DHX15: variants seen among roughly 807,000 people sequenced by gnomAD.
DHX15 encodes the protein DEAH-box helicase 15.
Under a neutral mutation model 94.4 loss-of-function variants are expected in DHX15, and 11 were observed. The ratio of observed to expected loss-of-function variants is 0.12; its 90% CI spans 0.07 to 0.19. The LOEUF is 0.19. DHX15 is among the 10% of genes least tolerant of loss of function. The pLI is 1.00. For synonymous variants in DHX15, 338 were observed against 329.9 expected, an observed-to-expected ratio of 1.02 and a Z score of -0.27; for missense variants, 304 against 988.5, an observed-to-expected ratio of 0.31 and a Z score of 9.29.
chr4:24,567,844 T>A (rs182635079), intron 3 of DHX15, among the ~76,000 whole-genome samples: 1 of 152,074 alleles, frequency 6.6e-6, no homozygotes, highest in Non-Finnish European at 1.5e-5. Flanking sequence ...AAGAAAAGGA[T>A]GGGGACAAGC....
intron 5 of DHX15, among the ~76,000 whole-genome samples, chr4:24,549,735 G>T (rs777350404): frequency 2.7e-4 from 41 of 152,114 alleles, no homozygotes; most frequent in Non-Finnish European, 4.3e-4. Flanking sequence ...ATAACAGTAG[G>T]CAACTGTAAC....
At chr4:24,567,200 C>T (rs1722011535) in intron 3 of DHX15, among the ~76,000 whole-genome samples, 1 of 152,186 alleles carries the variant, frequency 6.6e-6, no homozygotes, top group African/African-American at 2.4e-5. Context: ...CGTTTTTCTA[C>T]GCTTACAAGA....
At chr4:24,562,829 T>TCA (rs1285779258) in intron 3 of DHX15, among the ~76,000 whole-genome samples, 1 of 152,172 alleles carries the variant, frequency 6.6e-6, no homozygotes, top group Non-Finnish European at 1.5e-5. Context: ...GATGAATCTT[T>TCA]CACACACACA....
At chr4:24,578,171 C>A (rs1722317785) in intron 1 of DHX15, among the ~76,000 whole-genome samples, 1 of 152,136 alleles carries the variant, frequency 6.6e-6, no homozygotes, top group Non-Finnish European at 1.5e-5. Context: ...GAAAGAAAAT[C>A]AATGGGAAAG....
intron 1 of DHX15, among the ~76,000 whole-genome samples, chr4:24,581,173 T>A (rs1722407241): frequency 6.6e-6 from 1 of 151,766 alleles, no homozygotes; most frequent in Non-Finnish European, 1.5e-5. Flanking sequence ...GGACTACAGG[T>A]GCCCGCCACC....
intron 3 of DHX15, among the ~76,000 whole-genome samples, chr4:24,564,066 CAAAAAAA>C (rs56255704): frequency 6.7e-5 from 5 of 74,726 alleles, no homozygotes; most frequent in African/African-American, 2.0e-4. Context: ...GACTCCGTCT[CAAAAAAA>C]AAAAAAAAAA....
chr4:24,547,464 T>C (rs1055880840), intron 6 of DHX15, among the ~76,000 whole-genome samples: 2 of 152,116 alleles, frequency 1.3e-5, no homozygotes, highest in Non-Finnish European at 2.9e-5. Context: ...AGCTCAGATG[T>C]GTAACTGTAG....
In DHX15 at chr4:24,527,842, C is replaced by T. The variant is rs185196690; in HGVS notation, c.*82G>A. ...CAAATAAAGGCCATTATCGAACCAA[C>T]GTGAAGAGCACAACTCGAACTTTTG... is the stretch of plus-strand genomic sequence containing the variant. On this transcript the variant is annotated 3_prime_UTR_variant, in exon 14 of 14. Transcript: ENST00000336812. The T allele has an allele frequency of 3.5e-3, 3,325 of 942,262 alleles. 70 individuals carry two copies. Among genetic ancestry groups the T allele is most frequent in the East Asian group, 9.2e-4 (38 of 41,344 alleles). 58.4% of individuals were successfully genotyped at this position (942,262 alleles called of 1,614,324 possible).
chr4:24,538,432 C>A (rs1206306942), intron 10 of DHX15: 3 of 152,054 alleles, frequency 2.0e-5, no homozygotes, highest in Non-Finnish European at 4.4e-5. Context: ...AAACTTCTCA[C>A]AGCTGTGAAT....
intron 6 of DHX15, among the ~76,000 whole-genome samples, chr4:24,547,404 C>CA (rs1352967174): frequency 6.6e-6 from 1 of 152,092 alleles, no homozygotes; most frequent in Non-Finnish European, 1.5e-5. Flanking sequence ...ATTTAAAACA[C>CA]AAAAAGCAAA....
At position 24,540,283 on chromosome 4, in the gene DHX15, C is replaced by CA. The variant is rs1560762704; in HGVS notation, c.1610dup (p.Met537IlefsTer15). On this transcript the variant is annotated frameshift_variant, in exon 10 of 14. Transcript: ENST00000336812. LOFTEE classifies it high-confidence loss of function. ...GGTAATTCAAAAGTTCCAGGGCTCT[C>CA]ATCAGAGTTTCAGGAGCTAGTGGTA... The CA allele has an allele frequency of 6.2e-7, 1 of 1,611,572 alleles. No individual in the cohort carries two copies.
chr4:24,559,814 A>G (rs925002258), intron 3 of DHX15, among the ~76,000 whole-genome samples: 4 of 152,290 alleles, frequency 2.6e-5, no homozygotes, highest in Middle Eastern at 3.4e-3. Flanking sequence ...TTAATCAGAA[A>G]TTTTGAAGGT....
intron 1 of DHX15, among the ~76,000 whole-genome samples, chr4:24,583,742 C>A (rs1285990707): frequency 6.6e-6 from 1 of 152,126 alleles, no homozygotes; most frequent in African/African-American, 2.4e-5. Context: ...CTCCCACCTC[C>A]CCCGAGAACT....
chr4:24,535,316 G>A (rs758174833), intron 11 of DHX15, among the ~76,000 whole-genome samples: 1 of 152,152 alleles, frequency 6.6e-6, no homozygotes, highest in African/African-American at 2.4e-5. Flanking sequence ...CATACATCTA[G>A]TGAGTGGATA....
Position 24,537,710 on chromosome 4 carries a change from T to A in DHX15, c.1787-537A>T, listed in dbSNP as rs973219855. The A allele has an allele frequency of 6.6e-6, 1 of 152,368 alleles. No individual in the cohort carries two copies. The highest frequency in any genetic ancestry group is 1.5e-5 in the Non-Finnish European group (1 of 68,206). 9.4% of individuals were successfully genotyped at this position (152,368 alleles called of 1,614,324 possible). On this transcript the variant is annotated intron_variant, in intron 10 of 13. Transcript: ENST00000336812. This position sits in a 1 kb window ranked among gnomAD's most constrained non-coding sequence, Gnocchi z 4.7. ...ATTACCAACTGGTGGGTATCACTAT[T>A]AGCACCGGTGAGCAGAAGCATATGT...
chr4:24,533,136 T>C (rs1469530197), intron 11 of DHX15, 82 bp from the exon 12 acceptor site: 1 of 1,221,182 alleles, frequency 8.2e-7, no homozygotes, highest in South Asian at 1.2e-5. Context: ...AAAATTGTTA[T>C]AAAGAATAAG....
chr4:24,547,861 GTCTCTC>G lies in DHX15; in HGVS notation c.1248+988_1248+993del, dbSNP rs36229958. On this transcript the variant is annotated intron_variant, in intron 6 of 13. Coordinates refer to ENST00000336812, the MANE Select transcript of DHX15 (RefSeq NM_001358.3). ...TTATATAAATATTTAAGACATATATGTCTCTCTCTCTCTCTCTCTCTCTCTCTCTAT... is the reference window on the plus strand; with the variant it reads ...TTATATAAATATTTAAGACATATATGTCTCTCTCTCTCTCTCTCTCTCTAT... Among the ~76,000 whole-genome samples, 252 of 126,490 alleles carry G rather than the reference GTCTCTC, an allele frequency of 2.0e-3. 2 individuals are homozygous for G. The highest frequency in any genetic ancestry group is 4.0e-3 in the African/African-American group (132 of 33,074). The allele number at this position is 126,490 out of a possible 152,430, so 83.0% of individuals were successfully genotyped here. A position where few individuals can be genotyped will look rare whatever the true frequency, so the allele number is the denominator to read the frequency against.
Position 24,542,932 on chromosome 4 carries a change from A to G in DHX15, c.1335+8T>C. The G allele has an allele frequency of 1.2e-6, 2 of 1,607,424 alleles. No homozygotes were observed. The highest frequency in any genetic ancestry group is 1.7e-6 in the Non-Finnish European group (2 of 1,174,402). Reference sequence around the variant, plus strand: ...CTCTAATTTATAAAGTATCCACTAAATATGTACCTTCTGTTTCGCAAATCC... The same window carrying G: ...CTCTAATTTATAAAGTATCCACTAAGTATGTACCTTCTGTTTCGCAAATCC... On this transcript the variant is annotated splice_region_variant and intron_variant, in intron 7 of 13. Transcript: ENST00000336812.
intron 3 of DHX15, among the ~76,000 whole-genome samples, chr4:24,566,053 T>G (rs549312875): frequency 1.4e-5 from 2 of 143,524 alleles, no homozygotes; most frequent in African/African-American, 5.0e-5. Context: ...TTTTTTTTTT[T>G]TTTTAAGAGA....
Sources: allele counts gnomAD v4.1 joint callset (sites outside exome capture counted in the v4.1 genomes callset), GRCh38; gene constraint gnomAD v4.1.1; non-coding constraint Gnocchi (gnomAD v3.1); transcripts MANE v1.5; gene names NCBI Gene and HGNC (gene_info 2026-07-23, HGNC 2026-07-21).